The following TERB1 variants were observed in gnomAD, a reference collection of about 807,000 sequenced individuals.
TERB1 encodes telomere repeats-binding bouquet formation protein 1.
In TERB1, 63 loss-of-function variants were observed where a neutral mutation model predicts 92.3. The observed-to-expected ratio is 0.68, with a 90% CI of 0.56 to 0.84. The LOEUF (loss-of-function observed/expected upper bound fraction) is 0.84, where lower values mean the gene tolerates loss of function less well. Among genes scored for constraint, TERB1 ranks in the 40% least tolerant of loss-of-function variants. The probability of loss-of-function intolerance (pLI) is 0.00; values close to 1 mark genes in which losing one functional copy is unlikely to be tolerated. For synonymous variants in TERB1, 252 were observed against 283.9 expected (o/e 0.89, Z 1.13); for missense variants, 709 against 843.7 (o/e 0.84, Z 1.98).
chr16:66,801,498 C>A lies in TERB1; in HGVS notation c.-140G>T, dbSNP rs1201184035. On this transcript the variant is annotated 5_prime_UTR_variant, in exon 1 of 19. Transcript: ENST00000433154. Reference sequence around the variant, plus strand: ...TTCCAAGCGCGGTAAGGCAGGACAACAACGCGCGGGAGCGGAGGCCGTGGC... The same window carrying A: ...TTCCAAGCGCGGTAAGGCAGGACAAAAACGCGCGGGAGCGGAGGCCGTGGC... 1 of 152,272 alleles carries A rather than the reference C, an allele frequency of 6.6e-6. No individual in the cohort carries two copies. Among genetic ancestry groups the A allele is most frequent in the Non-Finnish European group, 1.5e-5 (1 of 68,100 alleles). The allele number at this position is 152,272 out of a possible 1,614,324, so 9.4% of individuals were successfully genotyped here.
intron 1 of TERB1, among the ~76,000 whole-genome samples, 188 bp from the exon 2 acceptor site, chr16:66,801,241 A>T (rs1175391661): frequency 6.6e-6 from 1 of 152,138 alleles, no homozygotes; most frequent in African/African-American, 2.4e-5. Flanking sequence ...GGGGAGTCAG[A>T]AGTGAAATAG....
intron 2 of TERB1, among the ~76,000 whole-genome samples, chr16:66,799,861 T>A (rs1333985305): frequency 6.6e-6 from 1 of 152,208 alleles, no homozygotes; most frequent in Non-Finnish European, 1.5e-5. Flanking sequence ...AGTGAATATA[T>A]GTACTGCCAC....
chr16:66,763,222 C>T (rs2018282060), intron 16 of TERB1, among the ~76,000 whole-genome samples: 2 of 152,194 alleles, frequency 1.3e-5, no homozygotes, highest in Middle Eastern at 3.4e-3. Flanking sequence ...CCTCCCACCT[C>T]AGCCTCCCAC....
intron 16 of TERB1, among the ~76,000 whole-genome samples, chr16:66,759,715 T>C (rs1280036055): frequency 2.7e-5 from 4 of 148,550 alleles, no homozygotes; most frequent in Non-Finnish European, 5.9e-5. Context: ...GAAGAATCAC[T>C]TGAATCCAGG....
intron 16 of TERB1, among the ~76,000 whole-genome samples, chr16:66,761,587 T>C (rs1164141748): frequency 6.8e-6 from 1 of 146,742 alleles, no homozygotes; most frequent in Non-Finnish European, 1.5e-5. Context: ...GCTCAAGAAT[T>C]CAAGACCATC....
chr16:66,772,702 C>T lies in TERB1; in HGVS notation c.1159G>A (p.Glu387Lys). Residue 387 changes from glutamate to lysine, a missense_variant, in exon 13 of 19, where the codon GAA becomes AAA. By Grantham distance (56) the Glu-to-Lys change is moderately conservative (BLOSUM62 1). Transcript: ENST00000433154. ...SLGEYPFDEN[E>K]TQQLKDISVK... ...CTTATGTCCTTTAATTGCTGTGTTT[C>T]ATTTTCATCAAAAGGATATTCTCCT... is the stretch of plus-strand genomic sequence containing the variant. 1 of 1,549,118 alleles carries T rather than the reference C, an allele frequency of 6.5e-7. No homozygotes were observed. The highest frequency in any genetic ancestry group is 8.7e-7 in the Non-Finnish European group (1 of 1,145,306).
Position 66,764,023 on chromosome 16 carries a change from G to A in TERB1, c.1780+3392C>T, listed in dbSNP as rs565732580. Among the ~76,000 whole-genome samples the A allele has an allele frequency of 8.5e-5, 13 of 152,306 alleles. No homozygotes were observed. In the South Asian group the frequency reaches 2.1e-3, roughly 24 times the overall value. ...GAAGTATGGGAGAAAAGCTGGGGAT[G>A]GGAAGGGTTGCAGGGAACGAGACCA... On this transcript the variant is annotated intron_variant, in intron 16 of 18. Coordinates refer to ENST00000433154, the MANE Select transcript of TERB1 (RefSeq NM_001136505.2).
At chr16:66,773,156 C>A (rs1464485702) in intron 12 of TERB1, among the ~76,000 whole-genome samples, 6 of 140,156 alleles carry the variant, frequency 4.3e-5, no homozygotes, top group African/African-American at 8.3e-5. Context: ...TGGTGAAACT[C>A]CACCTCTACT....
chr16:66,790,431 GAGAGAGAA>G (rs565164531), intron 5 of TERB1, among the ~76,000 whole-genome samples, 156 bp downstream of exon 5: 24 of 145,622 alleles, frequency 1.6e-4, no homozygotes, highest in Non-Finnish European at 3.6e-4. Flanking sequence ...AGGAAGGAAA[GAGAGAGAA>G]AGAGAGAAAG....
chr16:66,770,600 T>C (rs1227968116), intron 13 of TERB1, among the ~76,000 whole-genome samples: 2 of 152,116 alleles, frequency 1.3e-5, no homozygotes, highest in East Asian at 1.9e-4. Flanking sequence ...ATATATGTTC[T>C]AAAAGAAACC....
intron 11 of TERB1, among the ~76,000 whole-genome samples, chr16:66,775,660 A>C (rs2018535024): frequency 6.6e-6 from 1 of 151,896 alleles, no homozygotes; most frequent in South Asian, 2.1e-4. Context: ...AACAAAACAA[A>C]ACAACAACAA....
chr16:66,787,277 CTTTTTCTTTTTT>C (rs2018745066), intron 6 of TERB1, among the ~76,000 whole-genome samples: 2 of 136,282 alleles, frequency 1.5e-5, no homozygotes, highest in South Asian at 2.6e-4. Flanking sequence ...TTTTCTTTTT[CTTTTTCTTTTTT>C]TTTTTTTTTT....
At position 66,785,927 on chromosome 16, in the gene TERB1, AATC is replaced by A; in HGVS notation, c.578-22_578-20del. On this transcript the variant is annotated intron_variant, in intron 8 of 18. Coordinates refer to ENST00000433154, the MANE Select transcript of TERB1 (RefSeq NM_001136505.2). ...TTCTCATCTGAAAGAAGACAAAGTC[AATC>A]ATGATTTAATATGACAATTGGAAAA... 6.5e-7 allele frequency: 1 copy of A among 1,535,172 alleles called. No homozygotes were observed. The highest frequency in any genetic ancestry group is 8.8e-7 in the Non-Finnish European group (1 of 1,138,956).
At chr16:66,796,729 C>A (rs1178502233) in intron 3 of TERB1, 39 bp downstream of exon 3, 24 of 1,434,778 alleles carry the variant, frequency 1.7e-5, no homozygotes, top group Non-Finnish European at 2.2e-5. Context: ...CCTACCAATA[C>A]AAAACTCATT....
intron 2 of TERB1, among the ~76,000 whole-genome samples, chr16:66,797,342 C>A (rs1959202485): frequency 6.6e-6 from 1 of 150,548 alleles, no homozygotes; most frequent in African/African-American, 2.4e-5. Flanking sequence ...ATAAGGTGAT[C>A]CTCCCACCTC....
chr16:66,794,614 C>CA (rs745617645), intron 3 of TERB1, among the ~76,000 whole-genome samples: 4 of 151,634 alleles, frequency 2.6e-5, no homozygotes, highest in Non-Finnish European at 4.4e-5. Flanking sequence ...GAAGTGAATA[C>CA]AAAAAACACA....
intron 3 of TERB1, among the ~76,000 whole-genome samples, chr16:66,791,611 T>A (rs1295984834): frequency 1.3e-5 from 2 of 152,078 alleles, no homozygotes; most frequent in African/African-American, 4.8e-5. Context: ...AAATTACCAA[T>A]ATCAGAAATG....
chr16:66,800,392 G>T (rs910450573), intron 2 of TERB1, among the ~76,000 whole-genome samples: 9 of 92,866 alleles, frequency 9.7e-5, no homozygotes, highest in Non-Finnish European at 1.3e-4. Flanking sequence ...AATAAAGAAA[G>T]TTTTTTTTTT....
intron 3 of TERB1, among the ~76,000 whole-genome samples, chr16:66,793,898 T>C (rs1017725111): frequency 6.6e-6 from 1 of 152,144 alleles, no homozygotes; most frequent in South Asian, 2.1e-4. Flanking sequence ...AAAACCATAG[T>C]ACAAAGGTTA....
Sources: gnomAD v4.1 joint callset for allele counts (sites outside exome capture counted in the v4.1 genomes callset) on GRCh38, gnomAD v4.1.1 for gene constraint, MANE v1.5 for transcripts, NCBI Gene and HGNC (gene_info 2026-07-23, HGNC 2026-07-21) for gene names.